MRM1: variants seen among roughly 807,000 people sequenced by gnomAD.
MRM1 encodes rRNA methyltransferase 1, mitochondrial.
A neutral mutation model predicts 25.0 loss-of-function variants in MRM1; 24 were observed. That is an observed-to-expected ratio of 0.96 (90% confidence interval 0.69 to 1.35). The LOEUF (loss-of-function observed/expected upper bound fraction) is 1.35. MRM1 is among the 40% of genes most tolerant of loss of function. MRM1 has a pLI of 0.00. For synonymous variants in MRM1, 188 were observed against 199.2 expected (o/e 0.94, Z 0.47); for missense variants, 431 against 464.1 (o/e 0.93, Z 0.65).
chr17:36,618,412 G>A, the MRM1 span, among the ~76,000 whole-genome samples: 5 of 152,276 alleles, frequency 3.3e-5, no homozygotes, highest in East Asian at 3.9e-4. Context: ...ATAGAGCCCC[G>A]TGGTTGGGGG....
downstream of MRM1, among the ~76,000 whole-genome samples, chr17:36,609,979 G>A (rs1292088744): frequency 2.0e-5 from 3 of 152,206 alleles, no homozygotes; most frequent in Admixed American, 1.3e-4. Context: ...AGGCTGGAGT[G>A]CAGTGGCGCG....
Position 36,602,422 on chromosome 17 carries a change from C to T in MRM1, c.542+70C>T. ...AGCCGAGTTCCTAAGCACCTTGGCCCTTGGGTGATCCCTTAGCCAGACTTA... is the reference window on the plus strand; with the variant it reads ...AGCCGAGTTCCTAAGCACCTTGGCCTTTGGGTGATCCCTTAGCCAGACTTA... On this transcript the variant is annotated intron_variant, in intron 1 of 4. Coordinates refer to ENST00000614766, the MANE Select transcript of MRM1 (RefSeq NM_024864.5). This position sits in a 1 kb window ranked among gnomAD's most constrained non-coding sequence, Gnocchi z 4.1. 1.3e-6 allele frequency: 2 copies of T among 1,561,576 alleles called. No homozygotes were observed. Among genetic ancestry groups the T allele is most frequent in the Non-Finnish European group, 1.7e-6 (2 of 1,150,294 alleles).
At position 36,602,783 on chromosome 17, in the gene MRM1, A is replaced by G; in HGVS notation, c.636+137A>G. On this transcript the variant is annotated intron_variant, in intron 2 of 4. Coordinates refer to ENST00000614766, the MANE Select transcript of MRM1 (RefSeq NM_024864.5). The surrounding 1 kb of genome is among the most constrained non-coding windows in gnomAD (Gnocchi z 4.1). ...TTTGGCCTTCTAAATCCCTCTGGGG[A>G]TGGAAGGGTCCTGGAGTTTTTAAAA... 1 of 1,252,724 alleles carries G rather than the reference A, an allele frequency of 8.0e-7. No individual in the cohort carries two copies. Among genetic ancestry groups the G allele is most frequent in the East Asian group, 2.5e-5 (1 of 40,008 alleles). The allele number at this position is 1,252,724 out of a possible 1,614,324, so 77.6% of individuals were successfully genotyped here.
the MRM1 span, among the ~76,000 whole-genome samples, chr17:36,625,042 G>T: frequency 1.3e-5 from 2 of 152,154 alleles, no homozygotes; most frequent in East Asian, 3.9e-4. Context: ...CTTGAAGTCT[G>T]GTGTGTAAAG....
At chr17:36,612,945 C>T (rs1247780365), downstream of MRM1, among the ~76,000 whole-genome samples, 1 of 152,178 alleles carries the variant, frequency 6.6e-6, no homozygotes, top group African/African-American at 2.4e-5. Context: ...GCTCTGGCCC[C>T]TTTCATCTGC....
chr17:36,631,513 T>C, the MRM1 span, among the ~76,000 whole-genome samples: 1 of 152,250 alleles, frequency 6.6e-6, no homozygotes, highest in African/African-American at 2.4e-5. Flanking sequence ...TGCTTCCTTT[T>C]GTGAAAGGGG....
the MRM1 span, among the ~76,000 whole-genome samples, chr17:36,615,620 T>G: frequency 6.7e-6 from 1 of 148,760 alleles, no homozygotes; most frequent in African/African-American, 2.5e-5. Context: ...GATCGCGCTA[T>G]TGCACTCCAG....
At chr17:36,614,763 T>C in the MRM1 span, among the ~76,000 whole-genome samples, 1 of 152,222 alleles carries the variant, frequency 6.6e-6, no homozygotes, top group Non-Finnish European at 1.5e-5. Flanking sequence ...AATTGTAAAC[T>C]CTCAATAATT....
At position 36,601,700 on chromosome 17, in the gene MRM1, C is replaced by T. The variant is rs1170073746; in HGVS notation, c.-111C>T. ...GTCCGAGAGAGCTCGGCGGAGACGG[C>T]TGTCGAGTACCCTTCACCTCGGTGT... is the stretch of plus-strand genomic sequence containing the variant. On this transcript the variant is annotated 5_prime_UTR_variant, in exon 1 of 5. Coordinates refer to ENST00000614766, the MANE Select transcript of MRM1 (RefSeq NM_024864.5). 2 of 1,157,764 alleles carry T rather than the reference C, an allele frequency of 1.7e-6. No homozygotes were observed. Among genetic ancestry groups the T allele is most frequent in the Non-Finnish European group, 2.4e-6 (2 of 844,580 alleles). The allele number at this position is 1,157,764 out of a possible 1,614,324, so 71.7% of individuals were successfully genotyped here.
chr17:36,633,297 C>T, the MRM1 span, among the ~76,000 whole-genome samples: 2 of 152,168 alleles, frequency 1.3e-5, no homozygotes, highest in Admixed American at 1.3e-4. Context: ...GGGGAGCCCC[C>T]TATCTGAGGT....
the MRM1 span, among the ~76,000 whole-genome samples, chr17:36,626,727 A>T: frequency 6.6e-6 from 1 of 152,204 alleles, no homozygotes; most frequent in African/African-American, 2.4e-5. Flanking sequence ...GAGACTGGAA[A>T]GTCACAGGTG....
the MRM1 span, among the ~76,000 whole-genome samples, chr17:36,627,831 G>A: frequency 6.6e-6 from 1 of 151,830 alleles, no homozygotes; most frequent in African/African-American, 2.4e-5. Context: ...ACGCCACCAC[G>A]CCCAGCTGAT....
the MRM1 span, among the ~76,000 whole-genome samples, chr17:36,619,532 G>A: frequency 3.9e-5 from 6 of 152,146 alleles, no homozygotes; most frequent in Admixed American, 6.5e-5. Flanking sequence ...GCCAGGTGTG[G>A]TAGCGCATGC....
chr17:36,610,099 T>A (rs886140792), downstream of MRM1, among the ~76,000 whole-genome samples: 5 of 150,380 alleles, frequency 3.3e-5, no homozygotes, highest in Non-Finnish European at 5.9e-5. Context: ...ATTTTTATAT[T>A]TTTTTTTTGG....
At chr17:36,631,237 A>G in the MRM1 span, among the ~76,000 whole-genome samples, 1,485 of 152,330 alleles carry the variant, frequency 9.7e-3, 33 homozygotes, top group African/African-American at 0.034. Context: ...AAATGGGTTC[A>G]TGACATCTGC....
rs201462793 is a variant in MRM1 at position 36,602,153 on chromosome 17, G to A, written c.343G>A (p.Val115Ile). 8.1e-6 allele frequency: 13 copies of A among 1,613,118 alleles called. 1 individual carries two copies. The South Asian group carries it at 1.4e-4, about 18-fold the overall frequency. The change falls in exon 1 of 5, where the codon GTC (valine) becomes ATC (isoleucine). Residue 115 changes from valine to isoleucine, a missense_variant. Val to Ile is a conservative substitution (Grantham distance 29). Coordinates refer to ENST00000614766, the MANE Select transcript of MRM1 (RefSeq NM_024864.5). The surrounding 1 kb of genome is among the most constrained non-coding windows in gnomAD (Gnocchi z 4.1). ...QKLDTMCRYQ[V>I]HQGVCMEVSP... ...ACTGGACACAATGTGCCGCTACCAGGTCCACCAGGGTGTCTGCATGGAGGT... is the reference window on the plus strand; with the variant it reads ...ACTGGACACAATGTGCCGCTACCAGATCCACCAGGGTGTCTGCATGGAGGT...
chr17:36,602,464 C>A lies in MRM1; in HGVS notation c.543-89C>A. ...CCAGACTTACCTGTCCCAGAACTCT[C>A]ATCCCCCTAGCCCTTGGGAGCCCTG... On this transcript the variant is annotated intron_variant, in intron 1 of 4. Transcript: ENST00000614766. This position sits in a 1 kb window ranked among gnomAD's most constrained non-coding sequence, Gnocchi z 4.1. 9 of 1,594,724 alleles carry A rather than the reference C, an allele frequency of 5.6e-6. No individual in the cohort carries two copies. The highest frequency in any genetic ancestry group is 7.7e-6 in the Non-Finnish European group (9 of 1,167,288).
In MRM1 at chr17:36,607,586, G is replaced by A. The variant is rs574562448; in HGVS notation, c.637-84G>A. 73 of 1,474,584 alleles carry A rather than the reference G, an allele frequency of 5.0e-5. No homozygotes were observed. The African/African-American group carries it at 9.1e-4, about 18-fold the overall frequency. 91.3% of individuals were successfully genotyped at this position (1,474,584 alleles called of 1,614,324 possible). On this transcript the variant is annotated intron_variant, in intron 2 of 4. Coordinates refer to ENST00000614766, the MANE Select transcript of MRM1 (RefSeq NM_024864.5). ...TGCGGTGAGCTGTGATCGTGCCACT[G>A]CACTCCAGCCTGAGCGAGAGTAAGA...
chr17:36,613,060 G>A (rs1280896522), downstream of MRM1, among the ~76,000 whole-genome samples: 1 of 152,134 alleles, frequency 6.6e-6, no homozygotes, highest in African/African-American at 2.4e-5. Flanking sequence ...CCAAGATCCT[G>A]AGATGCCGAG....
Sources: allele counts gnomAD v4.1 joint callset (sites outside exome capture counted in the v4.1 genomes callset), GRCh38; gene constraint gnomAD v4.1.1; non-coding constraint Gnocchi (gnomAD v3.1); transcripts MANE v1.5; gene names NCBI Gene and HGNC (gene_info 2026-07-23, HGNC 2026-07-21).